The following CCNY variants were observed in gnomAD, a reference collection of about 807,000 sequenced individuals.
CCNY encodes cyclin Y.
A neutral mutation model predicts 42.8 loss-of-function variants in CCNY; 19 were observed. That is an observed-to-expected ratio of 0.44 (90% CI 0.31 to 0.65). CCNY has a LOEUF of 0.65. Ranked by LOEUF, CCNY falls within the 30% of genes least tolerant of loss-of-function variation. The probability of loss-of-function intolerance (pLI) is 0.07; values close to 1 mark genes in which losing one functional copy is unlikely to be tolerated. For synonymous variants in CCNY, 165 were observed against 162.7 expected (o/e 1.01, Z -0.11); for missense variants, 370 against 437.3 (o/e 0.85, Z 1.37).
chr10:35,476,326 C>T (rs138606661), intron 1 of CCNY, among the ~76,000 whole-genome samples: 8,781 of 151,598 alleles, frequency 0.058, 804 homozygotes, highest in African/African-American at 0.19. Flanking sequence ...ATCAACAGAA[C>T]ATACATTTTT....
At chr10:35,416,849 G>A (rs1838035405) in intron 1 of CCNY, among the ~76,000 whole-genome samples, 1 of 152,172 alleles carries the variant, frequency 6.6e-6, no homozygotes, top group Non-Finnish European at 1.5e-5. Context: ...TCTTCAGACA[G>A]GTGGCAGCGG....
intron 3 of CCNY, among the ~76,000 whole-genome samples, chr10:35,263,356 C>CA (rs71523372): frequency 0.016 from 720 of 43,918 alleles, 8 homozygotes; most frequent in Middle Eastern, 0.021. Context: ...GACTCCGTCT[C>CA]AAAAAAAAAA....
At chr10:35,352,283 G>A (rs1289200820) in intron 1 of CCNY, among the ~76,000 whole-genome samples, 1 of 152,224 alleles carries the variant, frequency 6.6e-6, no homozygotes, top group Non-Finnish European at 1.5e-5. Flanking sequence ...AGTTAGTGGA[G>A]TTCCTTTCCT....
intron 4 of CCNY, among the ~76,000 whole-genome samples, chr10:35,517,359 A>T (rs1840451554): frequency 6.6e-6 from 1 of 152,162 alleles, no homozygotes; most frequent in South Asian, 2.1e-4. Context: ...AGAGAACCTG[A>T]TGTGCTTGGG....
intron 2 of CCNY, 118 bp downstream of exon 2, chr10:35,483,596 C>T: frequency 1.6e-6 from 1 of 629,648 alleles, no homozygotes; most frequent in Non-Finnish European, 2.8e-6. Context: ...TAGTGACCCA[C>T]ACATATACTG....
intron 1 of CCNY, among the ~76,000 whole-genome samples, chr10:35,438,948 C>A (rs1366198978): frequency 1.3e-5 from 2 of 152,140 alleles, no homozygotes; most frequent in African/African-American, 4.8e-5. Context: ...GGGTTGTCAC[C>A]TCTTTTCTTT....
At chr10:35,419,889 T>C (rs1838121453) in intron 1 of CCNY, among the ~76,000 whole-genome samples, 1 of 151,938 alleles carries the variant, frequency 6.6e-6, no homozygotes, top group African/African-American at 2.4e-5. Context: ...CTAGGCAAAC[T>C]TTATAATTAA....
chr10:35,293,887 T>A (rs1466407981), intron 3 of CCNY, among the ~76,000 whole-genome samples: 1 of 151,306 alleles, frequency 6.6e-6, no homozygotes, highest in East Asian at 1.9e-4. Context: ...GCCTCCTGGG[T>A]TCAAGTGATT....
intron 3 of CCNY, among the ~76,000 whole-genome samples, chr10:35,290,523 T>C (rs534306885): frequency 2.0e-5 from 3 of 152,342 alleles, no homozygotes; most frequent in Non-Finnish European, 2.9e-5. Flanking sequence ...CGTTGATTTA[T>C]TTTTTATTGT....
intron 9 of CCNY, among the ~76,000 whole-genome samples, chr10:35,567,810 G>A (rs1841602052): frequency 1.3e-5 from 2 of 152,240 alleles, no homozygotes; most frequent in Admixed American, 1.3e-4. Flanking sequence ...GAGAGTTTCA[G>A]AACTCAGCCA....
chr10:35,313,903 G>T (rs1321758439), intron 3 of CCNY, among the ~76,000 whole-genome samples: 1 of 150,534 alleles, frequency 6.6e-6, no homozygotes, highest in East Asian at 2.0e-4. Flanking sequence ...TTCAGCCTGG[G>T]AGGCGGAGGT....
At chr10:35,365,953 T>A (rs1208292897) in intron 1 of CCNY, among the ~76,000 whole-genome samples, 3 of 152,234 alleles carry the variant, frequency 2.0e-5, no homozygotes, top group African/African-American at 7.2e-5. Context: ...GGACAGAGAT[T>A]CTCTTCTATT....
intron 3 of CCNY, among the ~76,000 whole-genome samples, chr10:35,300,723 A>C (rs945311870): frequency 1.3e-5 from 2 of 152,306 alleles, no homozygotes; most frequent in African/African-American, 4.8e-5. Context: ...GAGCATTTTC[A>C]AAGTAAATAT....
intron 4 of CCNY, among the ~76,000 whole-genome samples, chr10:35,521,299 G>A (rs115534952): frequency 0.022 from 3,349 of 152,270 alleles, 115 homozygotes; most frequent in African/African-American, 0.076. Flanking sequence ...AGCTGACCAA[G>A]CCTCTGAAGT....
At chr10:35,561,608 G>A (rs181762185) in intron 8 of CCNY, among the ~76,000 whole-genome samples, 1 of 152,268 alleles carries the variant, frequency 6.6e-6, no homozygotes, top group East Asian at 1.9e-4. Context: ...GGGGTTTTTG[G>A]TAGTGCTTGT....
chr10:35,533,907 T>C (rs1840823607), intron 7 of CCNY, among the ~76,000 whole-genome samples: 1 of 152,238 alleles, frequency 6.6e-6, no homozygotes, highest in South Asian at 2.1e-4. Context: ...AACTGCCTAC[T>C]GGCTGAAGTA....
At chr10:35,438,871 T>C (rs966486748) in intron 1 of CCNY, among the ~76,000 whole-genome samples, 2 of 152,212 alleles carry the variant, frequency 1.3e-5, no homozygotes, top group African/African-American at 4.8e-5. Context: ...CAGTTTCTCT[T>C]AGTTTCATGA....
At chr10:35,499,785 C>G (rs1840074880) in intron 2 of CCNY, among the ~76,000 whole-genome samples, 1 of 152,092 alleles carries the variant, frequency 6.6e-6, no homozygotes. Context: ...TAGTGGGAAC[C>G]CTGTCAGTTC....
At chr10:35,516,657 CTTCCTTTTTTTT>C in intron 4 of CCNY, 34 bp downstream of exon 4, 1 of 808,694 alleles carries the variant, frequency 1.2e-6, no homozygotes, top group African/African-American at 2.5e-5. Flanking sequence ...TCCTTCCTTC[CTTCCTTTTTTTT>C]TTTTTTTTTT....
Sources: allele counts gnomAD v4.1 joint callset (sites outside exome capture counted in the v4.1 genomes callset), GRCh38; gene constraint gnomAD v4.1.1; transcripts MANE v1.5; gene names NCBI Gene and HGNC (gene_info 2026-07-23, HGNC 2026-07-21).